The following LILRB3 variants were observed in gnomAD, a reference collection of about 807,000 sequenced individuals.
The protein encoded by LILRB3 is leukocyte immunoglobulin like receptor B3, also known as leukocyte immunoglobulin-like receptor subfamily B member 3.
In LILRB3, 32 loss-of-function variants were observed where a neutral mutation model predicts 68.2. The ratio of observed to expected loss-of-function variants is 0.47; its 90% CI spans 0.35 to 0.63. The LOEUF is 0.63. LILRB3 is among the 30% of genes least tolerant of loss of function. The pLI, the probability that LILRB3 is intolerant of heterozygous loss-of-function variation, is 0.00. For missense variants in LILRB3, 502 were observed against 791.3 expected, an observed-to-expected ratio of 0.63 and a Z score of 4.39; for synonymous variants, 185 against 323.1, an observed-to-expected ratio of 0.57 and a Z score of 4.58.
Position 54,222,736 on chromosome 19 carries a change from G to A in LILRB3, c.70+11C>T, listed in dbSNP as rs2147404327. The A allele has an allele frequency of 6.2e-7, 1 of 1,612,578 alleles. No homozygotes were observed. The highest frequency in any genetic ancestry group is 8.5e-7 in the Non-Finnish European group (1 of 1,179,874). Reference sequence around the variant, plus strand: ...GGAGTAGGGACCTGGGACAGCTGGGGACAGACTCACCTGCCTGCATGCGGG... The same window carrying A: ...GGAGTAGGGACCTGGGACAGCTGGGAACAGACTCACCTGCCTGCATGCGGG... On this transcript the variant is annotated intron_variant, in intron 2 of 12. Transcript: ENST00000445347.
exon 10 of LILRB3, chr19:54,218,646 G>C (rs200396672): frequency 1.9e-6 from 3 of 1,614,170 alleles, no homozygotes; most frequent in Non-Finnish European, 2.5e-6. Flanking sequence ...TCCTCTTACA[G>C]AGGTTTTCTT....
chr19:54,221,875 G>A, exon 4 of LILRB3: 1 of 1,529,066 alleles, frequency 6.5e-7, no homozygotes, highest in Non-Finnish European at 8.9e-7. Flanking sequence ...CCACACCCAG[G>A]GGGTGTTTGT....
exon 5 of LILRB3, chr19:54,221,104 G>A: frequency 7.6e-7 from 1 of 1,318,402 alleles, no homozygotes; most frequent in Non-Finnish European, 1.0e-6. Flanking sequence ...ATGTCCAGGG[G>A]GTCACTGGGG....
At position 54,219,002 on chromosome 19, in the gene LILRB3, C is replaced by G. The variant is rs2077779445; in HGVS notation, c.1426+127G>C. The G allele has an allele frequency of 3.3e-6, 5 of 1,518,964 alleles. No homozygotes were observed. In the South Asian group the frequency reaches 5.1e-5, roughly 16 times the overall value. 94.1% of individuals were successfully genotyped at this position (1,518,964 alleles called of 1,614,324 possible). A position where few individuals can be genotyped will look rare whatever the true frequency, so the allele number is the denominator to read the frequency against. On this transcript the variant is annotated intron_variant, in intron 8 of 12. Transcript: ENST00000445347. ...CCATGAATACTGAAGTTTGTAAATG[C>G]GTATTGAAATTACGTGCCCCTGGAA...
intron 11 of LILRB3, among the ~76,000 whole-genome samples, 160 bp downstream of exon 11, chr19:54,218,201 A>G (rs898037437): frequency 1.3e-5 from 2 of 152,134 alleles, no homozygotes; most frequent in African/African-American, 4.8e-5. Context: ...CCAGGACAGC[A>G]GAAGAGAGTG....
rs1486147438 is a variant in LILRB3, at chr19:54,218,750, G to A, written c.1502+13C>T. Reference sequence around the variant, plus strand: ...TGGTGGGTGGGAGTCTGTGGTCTTTGGGGCAGAATTACCTCCTCAGCAGGC... The same window carrying A: ...TGGTGGGTGGGAGTCTGTGGTCTTTAGGGCAGAATTACCTCCTCAGCAGGC... On this transcript the variant is annotated intron_variant, in intron 9 of 12. Coordinates refer to ENST00000445347, the Ensembl canonical transcript of LILRB3. The A allele has an allele frequency of 6.2e-7, 1 of 1,613,964 alleles. No individual in the cohort carries two copies. Among genetic ancestry groups the A allele is most frequent in the Non-Finnish European group, 8.5e-7 (1 of 1,180,020 alleles).
intron 11 of LILRB3, 182 bp from the exon 12 acceptor site, chr19:54,217,656 C>G: frequency 9.9e-7 from 1 of 1,009,326 alleles, no homozygotes; most frequent in Non-Finnish European, 1.4e-6. Flanking sequence ...CTGCTCCTCA[C>G]TCTGACCTTG....
intron 7 of LILRB3, 185 bp from the exon 8 acceptor site, chr19:54,219,430 T>A: frequency 1.3e-6 from 2 of 1,513,454 alleles, no homozygotes; most frequent in Non-Finnish European, 1.8e-6. Flanking sequence ...GGGAGTCGCC[T>A]GCCCCAGGCC....
rs2077797467 is a variant in LILRB3 at position 54,219,120 on chromosome 19, C to T, written c.1426+9G>A. The T allele has an allele frequency of 1.9e-6, 3 of 1,583,980 alleles. No homozygotes were observed. The highest frequency in any genetic ancestry group is 2.6e-6 in the Non-Finnish European group (3 of 1,166,570). ...GGTCGACCCATGGGTCCCCCGCTTC[C>T]CTACTCACCAGATGTCCTGTGTTTG... On this transcript the variant is annotated intron_variant, in intron 8 of 12. Coordinates refer to ENST00000445347, the Ensembl canonical transcript of LILRB3.
intron 5 of LILRB3, 114 bp from the exon 6 acceptor site, chr19:54,220,944 C>G: frequency 9.2e-7 from 1 of 1,087,902 alleles, no homozygotes; most frequent in Non-Finnish European, 1.2e-6. Flanking sequence ...CTGAGTCTCC[C>G]CTCCCCCCAT....
At chr19:54,217,461 T>G in exon 12 of LILRB3, 1 of 1,609,370 alleles carries the variant, frequency 6.2e-7, no homozygotes, top group Non-Finnish European at 8.5e-7. Context: ...CTGGGGGTCT[T>G]CATCGTGTGG....
intron 11 of LILRB3, chr19:54,217,729 C>G (rs1429367436): frequency 1.5e-6 from 1 of 684,554 alleles, no homozygotes; most frequent in East Asian, 2.8e-5. Context: ...GGGGCCTTTG[C>G]ACGGCTGTTT....
intron 7 of LILRB3, chr19:54,219,583 C>G: frequency 1.3e-6 from 2 of 1,547,316 alleles, no homozygotes; most frequent in South Asian, 2.4e-5. Flanking sequence ...TCCCCTGCCC[C>G]AGGTCACCGT....
At chr19:54,221,755 A>G (rs1329986724) in intron 4 of LILRB3, 73 bp downstream of exon 4, 13 of 1,595,952 alleles carry the variant, frequency 8.1e-6, no homozygotes, top group African/African-American at 1.4e-5. Context: ...TTCCAGATTC[A>G]GTCACCAGCC....
At chr19:54,216,504 G>C in exon 13 of LILRB3, 1 of 418,280 alleles carries the variant, frequency 2.4e-6, no homozygotes, top group Non-Finnish European at 3.2e-6. Context: ...TAGAGACGGG[G>C]TTTCACCGTG....
At position 54,220,579 on chromosome 19, in the gene LILRB3, T is replaced by C. The variant is rs757732370; in HGVS notation, c.1207A>G (p.Asn403Asp). Residue 403 changes from asparagine (N) to aspartate (D), a missense_variant, in exon 6 of 13, where the codon AAC becomes GAC. By Grantham distance (23) the Asn-to-Asp change is conservative (BLOSUM62 1). Transcript: ENST00000445347. ...CTGGGGAAAGACAGCAGGTGGGGGT[T>C]GGAGCTGCGTGAGCCGTAGCACCTG... 8.2e-5 allele frequency: 118 copies of C among 1,436,998 alleles called. 9 individuals carry two copies. Among genetic ancestry groups the C allele is most frequent in the African/African-American group, 2.1e-4 (13 of 61,912 alleles). The allele number at this position is 1,436,998 out of a possible 1,614,324, so 89.0% of individuals were successfully genotyped here.
chr19:54,218,868 T>C, intron 8 of LILRB3, 30 bp from the exon 9 acceptor site: 1 of 1,614,030 alleles, frequency 6.2e-7, no homozygotes, highest in Non-Finnish European at 8.5e-7. Context: ...GTCTCAGCCC[T>C]GGGAACATTA....
exon 8 of LILRB3, chr19:54,219,162 G>A: frequency 1.3e-6 from 2 of 1,599,098 alleles, no homozygotes; most frequent in Non-Finnish European, 1.7e-6. Context: ...CGCTGACGGA[G>A]GAGGAGGAGG....
intron 11 of LILRB3, 100 bp downstream of exon 11, chr19:54,218,261 T>C: frequency 6.7e-7 from 1 of 1,497,812 alleles, no homozygotes; most frequent in South Asian, 1.1e-5. Flanking sequence ...GGGTCCACCG[T>C]GACGATGCTG....
Sources: allele counts gnomAD v4.1 joint callset (sites outside exome capture counted in the v4.1 genomes callset), GRCh38; gene constraint gnomAD v4.1.1; transcripts MANE v1.5; gene names NCBI Gene and HGNC (gene_info 2026-07-23, HGNC 2026-07-21).